Variants in TBC1D14 observed in about 807,000 individuals in gnomAD.
TBC1D14 encodes TBC1 domain family, member 14.
Under a neutral mutation model 79.0 loss-of-function variants are expected in TBC1D14, and 26 were observed. That is an observed-to-expected ratio of 0.33 (90% CI 0.24 to 0.46). TBC1D14 has a LOEUF of 0.46. Ranked by LOEUF, TBC1D14 falls within the 20% of genes least tolerant of loss-of-function variation. The pLI, the probability that TBC1D14 is intolerant of heterozygous loss-of-function variation, is 1.00. For synonymous variants in TBC1D14, 394 were observed against 349.9 expected (o/e 1.13, Z -1.40); for missense variants, 769 against 887.6 (o/e 0.87, Z 1.70).
At chr4:6,987,544 G>T in intron 3 of TBC1D14, 1 of 432,570 alleles carries the variant, frequency 2.3e-6, no homozygotes, top group Non-Finnish European at 3.9e-6. Context: ...TGTGCATGCT[G>T]CTGATGCGCT....
At chr4:6,972,380 C>T (rs73088543) in intron 3 of TBC1D14, among the ~76,000 whole-genome samples, 1,836 of 152,344 alleles carry the variant, frequency 0.012, 38 homozygotes, top group African/African-American at 0.041. Context: ...CAAATGCAAG[C>T]GTCTGTTCTC....
At chr4:7,009,381 C>G (rs1393455520) in intron 9 of TBC1D14, among the ~76,000 whole-genome samples, 1 of 152,156 alleles carries the variant, frequency 6.6e-6, no homozygotes, top group Non-Finnish European at 1.5e-5. Flanking sequence ...ATGGTAGCCA[C>G]CAGGACTTAG....
intron 1 of TBC1D14, among the ~76,000 whole-genome samples, chr4:6,918,472 A>G (rs1723578761): frequency 6.6e-6 from 1 of 152,242 alleles, no homozygotes; most frequent in Non-Finnish European, 1.5e-5. Context: ...GCTGTGTGTC[A>G]GTCAGGGGCT....
intron 2 of TBC1D14, among the ~76,000 whole-genome samples, chr4:6,956,378 A>AT (rs1020892736): frequency 6.6e-6 from 1 of 152,190 alleles, no homozygotes; most frequent in African/African-American, 2.4e-5. Context: ...AGAAGCTGGA[A>AT]ACCCAGGTTT....
rs1719042833 is a variant in TBC1D14 at position 6,996,344 on chromosome 4, G to T, written c.982G>T (p.Ala328Ser). The T allele has an allele frequency of 2.5e-6, 4 of 1,613,746 alleles. No homozygotes were observed. Among genetic ancestry groups the T allele is most frequent in the African/African-American group, 2.7e-5 (2 of 74,920 alleles). ...GTCAAGAAATCTCCCAGCAAAACCA[G>T]CTGAAGAAGCTCAGAAGCACAGACA... ...DRPANLPAKP[A>S]EEAQKHRQQY... Residue 328 changes from alanine to serine, a missense_variant, in exon 5 of 14, where the codon GCT becomes TCT. Physicochemically the swap from Ala to Ser is moderately conservative, Grantham distance 99 (BLOSUM62 1). Coordinates refer to ENST00000409757, the MANE Select transcript of TBC1D14 (RefSeq NM_020773.3).
At chr4:6,956,401 A>G (rs981668566) in intron 2 of TBC1D14, among the ~76,000 whole-genome samples, 3 of 152,244 alleles carry the variant, frequency 2.0e-5, no homozygotes, top group African/African-American at 7.2e-5. Context: ...CTGTTTAAAA[A>G]TGTTGAACAA....
intron 2 of TBC1D14, 82 bp from the exon 3 acceptor site, chr4:6,967,222 G>GT (rs1328723431): frequency 5.8e-6 from 9 of 1,545,522 alleles, no homozygotes; most frequent in Non-Finnish European, 7.9e-6. Context: ...AAGCTGACTT[G>GT]TTTTTATTAG....
chr4:6,999,624 G>A (rs1048890745), intron 6 of TBC1D14, among the ~76,000 whole-genome samples: 3 of 152,098 alleles, frequency 2.0e-5, no homozygotes, highest in Non-Finnish European at 4.4e-5. Flanking sequence ...CCCCATAGGT[G>A]TTGCTCCTTT....
chr4:6,949,173 C>CA (rs201307540), intron 2 of TBC1D14, among the ~76,000 whole-genome samples: 2,054 of 150,286 alleles, frequency 0.014, 37 homozygotes, highest in African/African-American at 0.015. Context: ...GAATCTGTCT[C>CA]AAAAAAAAAG....
At chr4:7,013,864 C>A (rs1325563791) in intron 11 of TBC1D14, among the ~76,000 whole-genome samples, 1 of 152,154 alleles carries the variant, frequency 6.6e-6, no homozygotes, top group African/African-American at 2.4e-5. Context: ...CTGCCTCAGC[C>A]TCCCGAGTAG....
intron 6 of TBC1D14, 106 bp downstream of exon 6, chr4:6,999,308 G>A (rs1481829319): frequency 6.1e-5 from 61 of 999,586 alleles, no homozygotes; most frequent in Non-Finnish European, 7.8e-5. Flanking sequence ...TGGATGCAGC[G>A]AGTTGAAGTT....
At chr4:6,978,125 C>T (rs1327159175) in intron 3 of TBC1D14, among the ~76,000 whole-genome samples, 1 of 143,934 alleles carries the variant, frequency 6.9e-6, no homozygotes, top group African/African-American at 2.6e-5. Flanking sequence ...GTGGGGGGGT[C>T]AGCCCCCCGC....
Position 6,918,376 on chromosome 4 carries a change from C to T in TBC1D14, c.-17-4997C>T, listed in dbSNP as rs147833636. On this transcript the variant is annotated intron_variant, in intron 1 of 13. Transcript: ENST00000409757. ...CTGTTTACTCTGTCATCAGCATTTG[C>T]GTTCTAACCCGCATCTCTTTTGTGG... Among the ~76,000 whole-genome samples, 22 of 152,308 alleles carry T rather than the reference C, an allele frequency of 1.4e-4. No individual in the cohort carries two copies. The East Asian group carries it at 3.9e-3, about 27-fold the overall frequency.
intron 1 of TBC1D14, among the ~76,000 whole-genome samples, chr4:6,923,142 C>T (rs1271464973): frequency 6.6e-6 from 1 of 152,218 alleles, no homozygotes; most frequent in East Asian, 1.9e-4. Flanking sequence ...CAGAGGTTTG[C>T]AGTAAGCCCA....
chr4:6,998,259 C>G (rs113332000), intron 5 of TBC1D14, among the ~76,000 whole-genome samples: 67 of 151,628 alleles, frequency 4.4e-4, no homozygotes, highest in African/African-American at 1.5e-3. Context: ...TCTCAGGAGG[C>G]TAAGGCAGGA....
chr4:7,025,257 G>C lies in TBC1D14; in HGVS notation c.2011G>C (p.Ala671Pro). The C allele has an allele frequency of 6.2e-7, 1 of 1,614,192 alleles. No individual in the cohort carries two copies. The highest frequency in any genetic ancestry group is 8.5e-7 in the Non-Finnish European group (1 of 1,180,018). Residue 671 changes from alanine (A) to proline (P), a missense_variant, in exon 13 of 14, where the codon GCT (alanine) becomes CCT (proline). Around this residue, in one of 2 missense-constraint regions of TBC1D14, gnomAD observed 367 missense variants for 494.4 expected, o/e 0.74. Transcript: ENST00000409757. The stretch of plus-strand genomic sequence containing the variant: ...GATGCAGAGCCGAAACAAGAAGTGG[G>C]CTCAGGTCAGCGGGCTTTGTGTTCT... ...IQMQSRNKKW[A>P]QVLTALQKDS...
chr4:7,023,930 T>C (rs975812583), intron 12 of TBC1D14, among the ~76,000 whole-genome samples: 1 of 152,232 alleles, frequency 6.6e-6, no homozygotes, highest in African/African-American at 2.4e-5. Flanking sequence ...GAATGAAGTC[T>C]AGATTTTTAG....
Position 7,025,009 on chromosome 4 carries a change from T to C in TBC1D14, c.1763T>C (p.Phe588Ser), listed in dbSNP as rs1722204285. 1 of 1,614,024 alleles carries C rather than the reference T, an allele frequency of 6.2e-7. No individual in the cohort carries two copies. ...TTCCAACTTTTACCCCCTAGGATCT[T>C]TACCTTATATAGTAAATCTCTGCCC... ...TPDIYLIDWI[F>S]TLYSKSLPLD... Residue 588 changes from phenylalanine (F) to serine (S), a missense_variant, in exon 13 of 14, where the codon TTT becomes TCT. Phe to Ser is a radical substitution (Grantham distance 155). Transcript: ENST00000409757.
chr4:6,927,747 A>G (rs1480493004), intron 2 of TBC1D14, among the ~76,000 whole-genome samples: 1 of 152,150 alleles, frequency 6.6e-6, no homozygotes, highest in African/African-American at 2.4e-5. Flanking sequence ...AAGTTGTGAG[A>G]GCCAAAAATG....
Sources: allele counts gnomAD v4.1 joint callset (sites outside exome capture counted in the v4.1 genomes callset), GRCh38; gene constraint gnomAD v4.1.1; regional missense constraint gnomAD v4.1.1; transcripts MANE v1.5; gene names NCBI Gene and HGNC (gene_info 2026-07-23, HGNC 2026-07-21).